The following XXYLT1 variants were observed in gnomAD, a reference collection of about 807,000 sequenced individuals.
XXYLT1 encodes xyloside xylosyltransferase 1, also known as UDP-xylose:alpha-xyloside alpha-1,3-xylosyltransferase.
In XXYLT1, 20 loss-of-function variants were observed where a neutral mutation model predicts 28.9. The ratio of observed to expected loss-of-function variants is 0.69; its 90% CI spans 0.49 to 1.00. XXYLT1 has a LOEUF of 1.00. XXYLT1 is among the 50% of genes least tolerant of loss of function. XXYLT1 has a pLI of 0.00. For synonymous variants in XXYLT1, 257 were observed against 253.8 expected (o/e 1.01, Z -0.12); for missense variants, 542 against 560.1 (o/e 0.97, Z 0.33).
chr3:195,166,045 G>A (rs1345156208), intron 2 of XXYLT1, among the ~76,000 whole-genome samples: 1 of 151,944 alleles, frequency 6.6e-6, no homozygotes, highest in Non-Finnish European at 1.5e-5. Context: ...ACAGGAAGGT[G>A]GGGAAGTCCA....
At position 195,124,225 on chromosome 3, in the gene XXYLT1, C is replaced by A. The variant is rs550035606; in HGVS notation, c.785+32224G>T. 6.6e-6 allele frequency among the ~76,000 whole-genome samples: 1 copy of A among 152,196 alleles called. No homozygotes were observed. Among genetic ancestry groups the A allele is most frequent in the African/African-American group, 2.4e-5 (1 of 41,440 alleles). Reference sequence around the variant, plus strand: ...AAGAGACAGAGGGCCAGGGTGGTTACGCAGTAAGCCAGATCTCAGGTAGAG... The same window carrying A: ...AAGAGACAGAGGGCCAGGGTGGTTAAGCAGTAAGCCAGATCTCAGGTAGAG... On this transcript the variant is annotated intron_variant, in intron 3 of 3. Transcript: ENST00000310380. This position sits in a 1 kb window ranked among gnomAD's most constrained non-coding sequence, Gnocchi z 4.1.
At position 195,256,396 on chromosome 3, in the gene XXYLT1, G is replaced by T; in HGVS notation, c.504+14159C>A. 2.7e-6 allele frequency: 2 copies of T among 748,726 alleles called. No individual in the cohort carries two copies. The highest frequency in any genetic ancestry group is 3.3e-6 in the Non-Finnish European group (2 of 614,102). The allele number at this position is 748,726 out of a possible 1,614,324, so 46.4% of individuals were successfully genotyped here. ...CAGCTCTGGTCATTCCAAGTCCCTC[G>T]CCCTCATGCTCCGCGCAGGCCTGAG... On this transcript the variant is annotated intron_variant, in intron 1 of 3. Coordinates refer to ENST00000310380, the MANE Select transcript of XXYLT1 (RefSeq NM_152531.5). This position sits in a 1 kb window ranked among gnomAD's most constrained non-coding sequence, Gnocchi z 4.2.
At chr3:195,190,685 A>C (rs1052516762) in intron 2 of XXYLT1, among the ~76,000 whole-genome samples, 3 of 151,946 alleles carry the variant, frequency 2.0e-5, no homozygotes, top group African/African-American at 7.3e-5. Flanking sequence ...AGTTTGGATA[A>C]AGCATAAATT....
chr3:195,127,286 T>C (rs1349743300), intron 3 of XXYLT1, among the ~76,000 whole-genome samples: 1 of 152,176 alleles, frequency 6.6e-6, no homozygotes, highest in Non-Finnish European at 1.5e-5. Context: ...CTCTCAAGCA[T>C]CATCCGTAGA....
At chr3:195,120,188 G>A (rs375910152) in intron 3 of XXYLT1, among the ~76,000 whole-genome samples, 7 of 152,284 alleles carry the variant, frequency 4.6e-5, no homozygotes, top group South Asian at 4.1e-4. Flanking sequence ...TGGGCGTCCA[G>A]CAAAGGCCTC....
At chr3:195,261,827 C>T (rs1725708518) in intron 1 of XXYLT1, among the ~76,000 whole-genome samples, 2 of 152,214 alleles carry the variant, frequency 1.3e-5, no homozygotes, top group South Asian at 4.1e-4. Flanking sequence ...TATCACTTCA[C>T]ACCCACTAGA....
At chr3:195,087,687 G>A (rs950456527) in intron 3 of XXYLT1, among the ~76,000 whole-genome samples, 1 of 152,220 alleles carries the variant, frequency 6.6e-6, no homozygotes, top group Admixed American at 6.5e-5. Context: ...GAGCCAAGAT[G>A]GCCGAATAGG....
intron 3 of XXYLT1, 122 bp from the exon 4 acceptor site, chr3:195,070,233 GCATCACTA>G (rs1560077866): frequency 7.8e-7 from 1 of 1,281,968 alleles, no homozygotes; most frequent in Non-Finnish European, 1.0e-6. Flanking sequence ...TGCAGAATCC[GCATCACTA>G]CACCAGCAAG....
At chr3:195,121,366 C>T (rs1250821699) in intron 3 of XXYLT1, among the ~76,000 whole-genome samples, 5 of 152,172 alleles carry the variant, frequency 3.3e-5, no homozygotes, top group South Asian at 2.1e-4. Context: ...GGTTGGTGCA[C>T]GCAGGATGGA....
chr3:195,200,180 C>T (rs537739330), intron 2 of XXYLT1, among the ~76,000 whole-genome samples: 7 of 152,164 alleles, frequency 4.6e-5, no homozygotes, highest in East Asian at 1.9e-4. Context: ...TCTAGAAAGC[C>T]GTGAAGCAGC....
At position 195,270,869 on chromosome 3, in the gene XXYLT1, C is replaced by T; in HGVS notation, c.190G>A (p.Ala64Thr). Reference protein sequence around the residue: ...RLKEARAGAPAAPSPPALELA... With the variant: ...RLKEARAGAPTAPSPPALELA... Reference sequence around the variant, plus strand: ...TCCAGCGCGGGCGGCGAGGGCGCGGCGGGAGCCCCGGCGCGGGCCTCCTTC... The same window carrying T: ...TCCAGCGCGGGCGGCGAGGGCGCGGTGGGAGCCCCGGCGCGGGCCTCCTTC... The change falls in exon 1 of 4, where the codon GCC becomes ACC. Residue 64 changes from alanine to threonine, a missense_variant. Coordinates refer to ENST00000310380, the MANE Select transcript of XXYLT1 (RefSeq NM_152531.5). 7.3e-7 allele frequency: 1 copy of T among 1,362,756 alleles called. No homozygotes were observed. 84.4% of individuals were successfully genotyped at this position (1,362,756 alleles called of 1,614,324 possible).
At chr3:195,119,354 T>C (rs1238810287) in intron 3 of XXYLT1, among the ~76,000 whole-genome samples, 1 of 148,680 alleles carries the variant, frequency 6.7e-6, no homozygotes, top group Non-Finnish European at 1.5e-5. Context: ...ATAAGGGAAA[T>C]CACATAAAAT....
At chr3:195,215,196 G>A (rs1279972705) in intron 2 of XXYLT1, among the ~76,000 whole-genome samples, 2 of 149,792 alleles carry the variant, frequency 1.3e-5, no homozygotes, top group East Asian at 2.0e-4. Context: ...AGGAACAACC[G>A]GTACCAGCCG....
chr3:195,145,755 T>C (rs976948968), intron 3 of XXYLT1, among the ~76,000 whole-genome samples: 2 of 152,322 alleles, frequency 1.3e-5, no homozygotes, highest in Middle Eastern at 3.4e-3. Context: ...ACCGCAGACA[T>C]CCAGGCAAAT....
At chr3:195,126,462 C>T (rs779186782) in intron 3 of XXYLT1, among the ~76,000 whole-genome samples, 1 of 152,202 alleles carries the variant, frequency 6.6e-6, no homozygotes, top group African/African-American at 2.4e-5. Context: ...GAGCATTGTA[C>T]CAAGCACTGG....
intron 2 of XXYLT1, among the ~76,000 whole-genome samples, chr3:195,164,223 C>T (rs1721005537): frequency 6.6e-6 from 1 of 152,248 alleles, no homozygotes; most frequent in Non-Finnish European, 1.5e-5. Flanking sequence ...GCTACGGTCA[C>T]ATGGTCACTA....
chr3:195,259,750 T>G (rs1001369219), intron 1 of XXYLT1: 3 of 874,222 alleles, frequency 3.4e-6, no homozygotes, highest in Non-Finnish European at 4.1e-6. Context: ...TCGGGTCTTT[T>G]GCCAAATTCC....
intron 2 of XXYLT1, among the ~76,000 whole-genome samples, chr3:195,202,707 A>G (rs1722911191): frequency 6.6e-6 from 1 of 152,234 alleles, no homozygotes; most frequent in Admixed American, 6.5e-5. Context: ...GGATATCTTG[A>G]GACTATCCGA....
intron 3 of XXYLT1, chr3:195,087,355 C>T (rs1056540256): frequency 6.6e-6 from 1 of 152,316 alleles, no homozygotes; most frequent in Non-Finnish European, 1.5e-5. Flanking sequence ...CTTCTCCAGG[C>T]CTTCCAGATA....
Sources: gnomAD v4.1 joint callset for allele counts (sites outside exome capture counted in the v4.1 genomes callset) on GRCh38, gnomAD v4.1.1 for gene constraint, Gnocchi (gnomAD v3.1) non-coding constraint, MANE v1.5 for transcripts, NCBI Gene and HGNC (gene_info 2026-07-23, HGNC 2026-07-21) for gene names.